The following NELL2 variants were observed in gnomAD, a reference collection of about 807,000 sequenced individuals.
The protein encoded by NELL2 is neural EGFL like 2, also known as protein kinase C-binding protein NELL2.
A neutral mutation model predicts 109.6 loss-of-function variants in NELL2; 41 were observed. The observed-to-expected ratio is 0.37, with a 90% CI of 0.29 to 0.49. The LOEUF is 0.49. Ranked by LOEUF, NELL2 falls within the 20% of genes least tolerant of loss-of-function variation. The pLI, the probability that NELL2 is intolerant of heterozygous loss-of-function variation, is 0.98. For synonymous variants in NELL2, 355 were observed against 344.7 expected, an observed-to-expected ratio of 1.03 and a Z score of -0.33; for missense variants, 900 against 1,008.3, an observed-to-expected ratio of 0.89 and a Z score of 1.45.
In NELL2 at chr12:44,529,437, G is replaced by A. The variant is rs570550171; in HGVS notation, c.1804+3144C>T. ...GAAGTCCAAGTTGAGCTACCTAGTAGGCCACTAGATGTAGAATCTGCAGCC... is the reference window on the plus strand; with the variant it reads ...GAAGTCCAAGTTGAGCTACCTAGTAAGCCACTAGATGTAGAATCTGCAGCC... On this transcript the variant is annotated intron_variant, in intron 16 of 19. Coordinates refer to ENST00000429094, the MANE Select transcript of NELL2 (RefSeq NM_001145108.2). Among the ~76,000 whole-genome samples, 9 of 152,198 alleles carry A rather than the reference G, an allele frequency of 5.9e-5. No homozygotes were observed. The East Asian group carries it at 7.7e-4, about 13-fold the overall frequency.
intron 2 of NELL2, among the ~76,000 whole-genome samples, chr12:44,871,518 G>A (rs1415034832): frequency 6.6e-6 from 1 of 152,108 alleles, no homozygotes; most frequent in African/African-American, 2.4e-5. Context: ...CTTCACCACA[G>A]TAAAACAACT....
At chr12:44,626,347 C>T (rs1289657000) in intron 13 of NELL2, among the ~76,000 whole-genome samples, 2 of 152,164 alleles carry the variant, frequency 1.3e-5, no homozygotes, top group Non-Finnish European at 2.9e-5. Flanking sequence ...ATTTTGCTGT[C>T]CCATCTTCTT....
At chr12:44,645,632 T>C (rs1404919400) in intron 13 of NELL2, among the ~76,000 whole-genome samples, 2 of 152,184 alleles carry the variant, frequency 1.3e-5, no homozygotes, top group South Asian at 2.1e-4. Flanking sequence ...AGTTGAGTAA[T>C]AGAATTTCAT....
chr12:44,508,834 T>G lies in NELL2; in HGVS notation c.*100A>C. Reference sequence around the variant, plus strand: ...CACTCAGCTATTAACAAAGCTGCATTTAGCTGCCCACAAATCACCCAATTT... The same window carrying G: ...CACTCAGCTATTAACAAAGCTGCATGTAGCTGCCCACAAATCACCCAATTT... On this transcript the variant is annotated 3_prime_UTR_variant, in exon 20 of 20. Transcript: ENST00000429094. The G allele has an allele frequency of 1.0e-6, 1 of 980,188 alleles. No homozygotes were observed. The highest frequency in any genetic ancestry group is 2.2e-5 in the Admixed American group (1 of 45,988). 60.7% of individuals were successfully genotyped at this position (980,188 alleles called of 1,614,324 possible). A position where few individuals can be genotyped will look rare whatever the true frequency, so the allele number is the denominator to read the frequency against.
At chr12:44,511,452 G>A (rs1033275881) in intron 19 of NELL2, among the ~76,000 whole-genome samples, 7 of 152,098 alleles carry the variant, frequency 4.6e-5, no homozygotes, top group African/African-American at 1.7e-4. Context: ...TTCCCCCTTA[G>A]GGCACTCCCC....
intron 15 of NELL2, among the ~76,000 whole-genome samples, chr12:44,535,547 G>A (rs2139017343): frequency 6.6e-6 from 1 of 152,022 alleles, no homozygotes; most frequent in Admixed American, 6.6e-5. Flanking sequence ...TTAAATTTAT[G>A]AAAATCTGAA....
intron 9 of NELL2, among the ~76,000 whole-genome samples, chr12:44,751,284 T>C (rs1263332638): frequency 6.6e-6 from 1 of 152,174 alleles, no homozygotes; most frequent in African/African-American, 2.4e-5. Flanking sequence ...TATAGACTAA[T>C]TAAGTTGGTT....
chr12:44,683,771 C>T (rs1197463879), intron 12 of NELL2, among the ~76,000 whole-genome samples: 3 of 152,122 alleles, frequency 2.0e-5, no homozygotes, highest in African/African-American at 4.8e-5. Context: ...GGATGAAGCC[C>T]ACTTGATCAT....
At chr12:44,599,960 G>GTTTTTT (rs35401385) in intron 15 of NELL2, among the ~76,000 whole-genome samples, 6 of 111,270 alleles carry the variant, frequency 5.4e-5, no homozygotes, top group Non-Finnish European at 7.2e-5. Context: ...CTAGAATTCC[G>GTTTTTT]TTTTTTTTTT....
At chr12:44,704,989 AGCCTGG>A (rs1566200922) in intron 11 of NELL2, among the ~76,000 whole-genome samples, 1 of 149,746 alleles carries the variant, frequency 6.7e-6, no homozygotes, top group Non-Finnish European at 1.5e-5. Flanking sequence ...GCTGCACTCC[AGCCTGG>A]GCAAAAGAGT....
rs1419538499 is a variant in NELL2, at chr12:44,875,232, G to A, written c.177C>T (p.Leu59=). The change falls in exon 2 of 20, where the codon CTC becomes CTT. Residue 59 remains leucine, a synonymous_variant. Coordinates refer to ENST00000429094, the MANE Select transcript of NELL2 (RefSeq NM_001145108.2). ...GCAGCACGCCGGGCATACCTTGAAA[G>A]AGAAAGGCTTTCGTCCCATTATGCA... ...PGLHNGTKAF[L]FQDTPRSIKA... 6.2e-7 allele frequency: 1 copy of A among 1,612,552 alleles called. No homozygotes were observed. Among genetic ancestry groups the A allele is most frequent in the East Asian group, 2.2e-5 (1 of 44,816 alleles).
chr12:44,683,349 A>G (rs1948595019), intron 12 of NELL2, among the ~76,000 whole-genome samples: 1 of 144,372 alleles, frequency 6.9e-6, no homozygotes, highest in Non-Finnish European at 1.5e-5. Flanking sequence ...TAGATATACT[A>G]TCATGTCGTC....
At chr12:44,842,378 T>C (rs1944255939) in intron 2 of NELL2, among the ~76,000 whole-genome samples, 1 of 152,126 alleles carries the variant, frequency 6.6e-6, no homozygotes, top group South Asian at 2.1e-4. Flanking sequence ...CTGGAACAAC[T>C]GGATATACAT....
intron 16 of NELL2, among the ~76,000 whole-genome samples, chr12:44,525,412 GCAT>G (rs1941719209): frequency 6.6e-6 from 1 of 152,206 alleles, no homozygotes; most frequent in Non-Finnish European, 1.5e-5. Context: ...GTGGGCAGAT[GCAT>G]CATAATGGAC....
intron 2 of NELL2, among the ~76,000 whole-genome samples, chr12:44,844,778 T>C (rs924016901): frequency 6.6e-6 from 1 of 152,172 alleles, no homozygotes; most frequent in African/African-American, 2.4e-5. Context: ...ACTAATTTAG[T>C]AGGAAGTAGT....
intron 9 of NELL2, among the ~76,000 whole-genome samples, chr12:44,774,206 G>A (rs1941660865): frequency 6.6e-6 from 1 of 152,208 alleles, no homozygotes; most frequent in Non-Finnish European, 1.5e-5. Flanking sequence ...GACAACCGAA[G>A]TGAACTGCTA....
intron 12 of NELL2, among the ~76,000 whole-genome samples, chr12:44,669,930 G>A (rs191422854): frequency 1.3e-5 from 2 of 152,104 alleles, no homozygotes; most frequent in African/African-American, 4.8e-5. Context: ...AATTCAACAA[G>A]GTCTTATTCA....
At chr12:44,593,586 T>C (rs1944840562) in intron 15 of NELL2, among the ~76,000 whole-genome samples, 1 of 152,254 alleles carries the variant, frequency 6.6e-6, no homozygotes, top group Non-Finnish European at 1.5e-5. Flanking sequence ...TATAGTAGAA[T>C]GATTTATAAT....
intron 9 of NELL2, among the ~76,000 whole-genome samples, chr12:44,761,089 C>A (rs1043916938): frequency 6.6e-6 from 1 of 152,240 alleles, no homozygotes; most frequent in Non-Finnish European, 1.5e-5. Flanking sequence ...CAGCCTGGTG[C>A]GGTGGCTCAT....
Sources: gnomAD v4.1 joint callset for allele counts (sites outside exome capture counted in the v4.1 genomes callset) on GRCh38, gnomAD v4.1.1 for gene constraint, MANE v1.5 for transcripts, NCBI Gene and HGNC (gene_info 2026-07-23, HGNC 2026-07-21) for gene names.